Variants in MBD2 observed in about 807,000 individuals in gnomAD.
MBD2 encodes methyl-CpG-binding domain protein 2.
Under a neutral mutation model 39.3 loss-of-function variants are expected in MBD2, and 9 were observed. The observed-to-expected ratio is 0.23, with a 90% confidence interval of 0.14 to 0.40. The LOEUF (loss-of-function observed/expected upper bound fraction) is 0.40. MBD2 is among the 10% of genes least tolerant of loss of function. MBD2 has a pLI of 1.00. For synonymous variants in MBD2, 233 were observed against 211.1 expected (o/e 1.10, Z -0.90); for missense variants, 458 against 532.6 (o/e 0.86, Z 1.38).
chr18:54,188,449 G>A (rs1260359407), intron 3 of MBD2, among the ~76,000 whole-genome samples: 3 of 152,114 alleles, frequency 2.0e-5, no homozygotes, highest in East Asian at 3.8e-4. Flanking sequence ...CAAAAGGGGT[G>A]GGACAGATTT....
intron 4 of MBD2, 45 bp downstream of exon 4, chr18:54,166,031 A>T: frequency 7.7e-7 from 1 of 1,291,060 alleles, no homozygotes; most frequent in Non-Finnish European, 1.1e-6. Context: ...CCTGGCATGC[A>T]GTAGGTACTT....
chr18:54,202,307 G>A (rs756917508), intron 2 of MBD2, among the ~76,000 whole-genome samples: 16 of 152,138 alleles, frequency 1.1e-4, no homozygotes, highest in South Asian at 2.1e-4. Flanking sequence ...CAGCCTGGGC[G>A]ACAGAGCAAG....
At chr18:54,203,080 G>C (rs1439275687) in intron 2 of MBD2, 2 of 1,567,012 alleles carry the variant, frequency 1.3e-6, no homozygotes, top group Admixed American at 3.3e-5. Flanking sequence ...CCATGGTGCA[G>C]GACGATGAGT....
At chr18:54,195,979 T>C (rs1198438061) in intron 2 of MBD2, among the ~76,000 whole-genome samples, 1 of 152,190 alleles carries the variant, frequency 6.6e-6, no homozygotes, top group Non-Finnish European at 1.5e-5. Context: ...ATATATACGG[T>C]AGTCCATAGT....
At chr18:54,171,739 C>T (rs2086181030) in intron 3 of MBD2, among the ~76,000 whole-genome samples, 3 of 152,220 alleles carry the variant, frequency 2.0e-5, no homozygotes, top group Non-Finnish European at 4.4e-5. Flanking sequence ...AACACCTTTC[C>T]ATAGGCCTGG....
At chr18:54,204,650 T>C (rs1408932629) in intron 2 of MBD2, among the ~76,000 whole-genome samples, 1 of 152,124 alleles carries the variant, frequency 6.6e-6, no homozygotes, top group East Asian at 1.9e-4. Context: ...TTATAAACTA[T>C]GGGGTGAAGA....
chr18:54,165,251 C>A (rs1408742016), intron 4 of MBD2, among the ~76,000 whole-genome samples: 1 of 152,146 alleles, frequency 6.6e-6, no homozygotes, highest in South Asian at 2.1e-4. Flanking sequence ...GTGGCTTTAA[C>A]AGCTTTTTTC....
chr18:54,180,897 C>CCTTTT (rs2086246150), intron 3 of MBD2, among the ~76,000 whole-genome samples: 1 of 105,372 alleles, frequency 9.5e-6, no homozygotes, highest in Non-Finnish European at 1.8e-5. Context: ...TTAATTTTTT[C>CCTTTT]TTTTTCTTTT....
intron 2 of MBD2, chr18:54,203,150 G>A (rs754805448): frequency 2.6e-5 from 42 of 1,604,304 alleles, no homozygotes; most frequent in Non-Finnish European, 3.4e-5. Context: ...TTAGTGTTTG[G>A]TTTTTGATGA....
intron 2 of MBD2, chr18:54,202,867 A>C: frequency 7.5e-7 from 1 of 1,330,662 alleles, no homozygotes; most frequent in Non-Finnish European, 1.1e-6. Flanking sequence ...AACAAGTCAC[A>C]AATACAATGG....
rs142567707 is a variant in MBD2 at position 54,167,514 on chromosome 18, G to A, written c.841-1348C>T. ...TTATATACTGGGCACAAGATTTATC[G>A]CATTTGCTTTTAGCAAACTGTGGCC... On this transcript the variant is annotated intron_variant, in intron 3 of 6. Coordinates refer to ENST00000256429, the MANE Select transcript of MBD2 (RefSeq NM_003927.5). 3.3e-5 allele frequency among the ~76,000 whole-genome samples: 5 copies of A among 152,272 alleles called. No individual in the cohort carries two copies. The East Asian group carries it at 7.7e-4, about 24-fold the overall frequency.
At chr18:54,164,772 C>A in intron 4 of MBD2, 72 bp from the exon 5 acceptor site, 1 of 1,224,428 alleles carries the variant, frequency 8.2e-7, no homozygotes, top group Non-Finnish European at 1.2e-6. Flanking sequence ...TGACATAAAA[C>A]AACTGATATT....
At chr18:54,204,550 A>G (rs2086434368) in intron 2 of MBD2, among the ~76,000 whole-genome samples, 1 of 152,230 alleles carries the variant, frequency 6.6e-6, no homozygotes, top group Non-Finnish European at 1.5e-5. Context: ...GAATTAGGAT[A>G]TTATTCAAAA....
chr18:54,168,080 T>C (rs924474081), intron 3 of MBD2, among the ~76,000 whole-genome samples: 1 of 150,818 alleles, frequency 6.6e-6, no homozygotes, highest in Non-Finnish European at 1.5e-5. Context: ...TATGTGTATA[T>C]ATATATACAA....
chr18:54,187,514 G>C (rs1279631316), intron 3 of MBD2, among the ~76,000 whole-genome samples: 1 of 152,208 alleles, frequency 6.6e-6, no homozygotes, highest in African/African-American at 2.4e-5. Context: ...GCAAAGTTCA[G>C]AATGCCAGAA....
At chr18:54,220,699 G>C (rs1260264220) in intron 1 of MBD2, among the ~76,000 whole-genome samples, 1 of 152,142 alleles carries the variant, frequency 6.6e-6, no homozygotes, top group South Asian at 2.1e-4. Flanking sequence ...TGAACTAATG[G>C]AATTTTTAAA....
At chr18:54,213,223 G>T (rs1038256985) in intron 1 of MBD2, among the ~76,000 whole-genome samples, 1 of 152,182 alleles carries the variant, frequency 6.6e-6, no homozygotes, top group Non-Finnish European at 1.5e-5. Flanking sequence ...GAACCGGGAG[G>T]TACAGCAGGA....
At chr18:54,160,565 G>A (rs1288352481) in intron 5 of MBD2, among the ~76,000 whole-genome samples, 2 of 150,848 alleles carry the variant, frequency 1.3e-5, no homozygotes, top group Non-Finnish European at 3.0e-5. Context: ...AAAAGTGAGG[G>A]TTAATAACTC....
At position 54,224,651 on chromosome 18, in the gene MBD2, G is replaced by T. The variant is rs1031336526; in HGVS notation, c.-92C>A. On this transcript the variant is annotated 5_prime_UTR_variant, in exon 1 of 7. Coordinates refer to ENST00000256429, the MANE Select transcript of MBD2 (RefSeq NM_003927.5). ...CCCCGCCCGCAGCGCGGCGCGCGGG[G>T]GACGCGCGCAAGCATCATAGAGCGG... 1 of 957,820 alleles carries T rather than the reference G, an allele frequency of 1.0e-6. No individual in the cohort carries two copies. The highest frequency in any genetic ancestry group is 1.7e-5 in the African/African-American group (1 of 59,138). The allele number at this position is 957,820 out of a possible 1,614,324, so 59.3% of individuals were successfully genotyped here. A position where few individuals can be genotyped will look rare whatever the true frequency, so the allele number is the denominator to read the frequency against.
Sources: gnomAD v4.1 joint callset for allele counts (sites outside exome capture counted in the v4.1 genomes callset) on GRCh38, gnomAD v4.1.1 for gene constraint, MANE v1.5 for transcripts, NCBI Gene and HGNC (gene_info 2026-07-23, HGNC 2026-07-21) for gene names.